Variants in SLC6A13 observed in about 807,000 individuals in gnomAD.
SLC6A13 encodes the protein solute carrier family 6 member 13.
Under a neutral mutation model 72.9 loss-of-function variants are expected in SLC6A13, and 69 were observed. That is an observed-to-expected ratio of 0.95 (90% CI 0.78 to 1.16). SLC6A13 has a LOEUF of 1.16. Among genes scored for constraint, SLC6A13 ranks in the 50% most tolerant of loss-of-function variants. SLC6A13 has a pLI of 0.00. For synonymous variants in SLC6A13, 303 were observed against 303.0 expected (o/e 1.00, Z 0.00); for missense variants, 735 against 760.5 (o/e 0.97, Z 0.39).
chr12:230,330 C>G (rs1941659061), intron 7 of SLC6A13, among the ~76,000 whole-genome samples: 1 of 152,108 alleles, frequency 6.6e-6, no homozygotes, highest in African/African-American at 2.4e-5. Context: ...GCCTCAAGTC[C>G]AACCCCCAGG....
chr12:251,038 C>T (rs1303081519), intron 2 of SLC6A13, among the ~76,000 whole-genome samples: 1 of 151,812 alleles, frequency 6.6e-6, no homozygotes, highest in Non-Finnish European at 1.5e-5. Flanking sequence ...CACCTGTAGT[C>T]CCAGCTACTC....
chr12:222,629 G>C lies in SLC6A13; in HGVS notation c.1418C>G (p.Ala473Gly), dbSNP rs1347444489. ...TTCGATGTTGTCGTAGAAGCGCTTG[G>C]CTCCTACCATGGAGAAAAGAAGAAG... is the stretch of plus-strand genomic sequence containing the variant. ...ESLCVAWVYG[A>G]KRFYDNIEDM... The change falls in exon 13 of 15, where the codon GCC (alanine) becomes GGC (glycine). Residue 473 changes from alanine to glycine, a missense_variant. Physicochemically the swap from Ala to Gly is moderately conservative, Grantham distance 60. Coordinates refer to ENST00000343164, the MANE Select transcript of SLC6A13 (RefSeq NM_016615.5). The C allele has an allele frequency of 6.3e-7, 1 of 1,599,416 alleles. No homozygotes were observed. Among genetic ancestry groups the C allele is most frequent in the Non-Finnish European group, 8.5e-7 (1 of 1,169,980 alleles).
chr12:254,766 T>G lies in SLC6A13; in HGVS notation c.202+5085A>C, dbSNP rs1406089721. Among the ~76,000 whole-genome samples the G allele has an allele frequency of 6.6e-6, 1 of 152,216 alleles. No homozygotes were observed. Among genetic ancestry groups the G allele is most frequent in the East Asian group, 1.9e-4 (1 of 5,200 alleles). On this transcript the variant is annotated intron_variant, in intron 2 of 14. Coordinates refer to ENST00000343164, the MANE Select transcript of SLC6A13 (RefSeq NM_016615.5). This position sits in a 1 kb window ranked among gnomAD's most constrained non-coding sequence, Gnocchi z 4.4. ...CACAAACCCCAAACTCACATTCTAT[T>G]GCCCAGTTGCCATTTCCACATGGAC...
chr12:232,669 A>G (rs1028999339), intron 7 of SLC6A13, among the ~76,000 whole-genome samples: 1 of 152,230 alleles, frequency 6.6e-6, no homozygotes, highest in Admixed American at 6.5e-5. Context: ...GACATGAGGC[A>G]GTAGCAATCT....
chr12:233,465 C>T (rs1036341850), intron 7 of SLC6A13, among the ~76,000 whole-genome samples: 7 of 152,148 alleles, frequency 4.6e-5, no homozygotes, highest in African/African-American at 7.2e-5. Context: ...GTGCAGACCA[C>T]GAAGGAAGGG....
At chr12:225,184 G>T (rs908944512) in intron 9 of SLC6A13, among the ~76,000 whole-genome samples, 3 of 152,248 alleles carry the variant, frequency 2.0e-5, no homozygotes, top group African/African-American at 7.2e-5. Flanking sequence ...CCCATGGGAA[G>T]TTCCTCTGAA....
chr12:221,369 G>C lies in SLC6A13; in HGVS notation c.1686+7C>G. The C allele has an allele frequency of 6.3e-7, 1 of 1,583,386 alleles. No individual in the cohort carries two copies. On this transcript the variant is annotated splice_region_variant and intron_variant, in intron 14 of 14. Transcript: ENST00000343164. ...TCTGGCTGCTTTCCTGCCCGCAAAG[G>C]CCCTACCTCTCTGAAGGGGCCCTTG... is the stretch of plus-strand genomic sequence containing the variant.
At chr12:230,181 G>A (rs1298745438) in intron 7 of SLC6A13, among the ~76,000 whole-genome samples, 1 of 152,086 alleles carries the variant, frequency 6.6e-6, no homozygotes, top group Non-Finnish European at 1.5e-5. Flanking sequence ...ATAAAGCTCT[G>A]ATTTGTCTCT....
chr12:247,017 AAAAAAGAAAG>A (rs1942376952), intron 2 of SLC6A13, among the ~76,000 whole-genome samples: 1 of 73,944 alleles, frequency 1.4e-5, no homozygotes. Context: ...CAAAAAAAAA[AAAAAAGAAAG>A]AAAGAAAAGA....
intron 2 of SLC6A13, among the ~76,000 whole-genome samples, chr12:256,843 C>T (rs939301008): frequency 5.9e-5 from 9 of 152,104 alleles, no homozygotes; most frequent in South Asian, 2.1e-4. Flanking sequence ...GCAGGCCAGT[C>T]GGGTACGTTA....
Position 259,924 on chromosome 12 carries a change from C to A in SLC6A13, c.129G>T (p.Leu43=), listed in dbSNP as rs763289332. Residue 43 remains leucine (L), a synonymous_variant, in exon 2 of 15, where the codon CTG becomes CTT. Coordinates refer to ENST00000343164, the MANE Select transcript of SLC6A13 (RefSeq NM_016615.5). ...GHWNNKMEFV[L]SVAGEIIGLG... The stretch of plus-strand genomic sequence containing the variant: ...AGCCAATGATCTCCCCAGCCACTGA[C>A]AGCACAAACTCCATCTTGTTGTTCC... 12 of 1,614,230 alleles carry A rather than the reference C, an allele frequency of 7.4e-6. No homozygotes were observed. The African/African-American group carries it at 8.0e-5, about 11-fold the overall frequency.
At chr12:228,452 A>G (rs556429927) in intron 7 of SLC6A13, among the ~76,000 whole-genome samples, 1 of 152,196 alleles carries the variant, frequency 6.6e-6, no homozygotes, top group East Asian at 1.9e-4. Context: ...CCCGCTATGG[A>G]CGCAGACATC....
chr12:238,233 T>C, intron 4 of SLC6A13: 1 of 1,513,372 alleles, frequency 6.6e-7, no homozygotes, highest in Non-Finnish European at 8.8e-7. Context: ...GATGCTTGGG[T>C]ATACATTCTC....
At chr12:236,409 A>G (rs1003452401) in intron 6 of SLC6A13, among the ~76,000 whole-genome samples, 2 of 152,192 alleles carry the variant, frequency 1.3e-5, no homozygotes, top group African/African-American at 4.8e-5. Context: ...GCCAGCCGAC[A>G]CTTATGGAAA....
intron 2 of SLC6A13, chr12:259,508 C>T: frequency 7.5e-7 from 1 of 1,335,696 alleles, no homozygotes; most frequent in Non-Finnish European, 9.6e-7. Flanking sequence ...ATTATTATCT[C>T]AATTTGCAGG....
chr12:238,277 C>T, intron 4 of SLC6A13: 8 of 1,449,858 alleles, frequency 5.5e-6, no homozygotes, highest in Non-Finnish European at 7.3e-6. Flanking sequence ...AGGAAAGGTG[C>T]TCTTCAGGTC....
chr12:258,666 AG>A (rs1342279738), intron 2 of SLC6A13, among the ~76,000 whole-genome samples: 1 of 152,208 alleles, frequency 6.6e-6, no homozygotes, highest in African/African-American at 2.4e-5. Context: ...AAATCCCTCT[AG>A]CTAGGGCTTC....
At chr12:239,991 A>T (rs1023976089) in intron 4 of SLC6A13, among the ~76,000 whole-genome samples, 1 of 152,192 alleles carries the variant, frequency 6.6e-6, no homozygotes, top group African/African-American at 2.4e-5. Context: ...ACCCCCAGGC[A>T]ATCCAAAGGA....
chr12:239,017 C>T (rs1942047039), intron 4 of SLC6A13, among the ~76,000 whole-genome samples: 2 of 151,734 alleles, frequency 1.3e-5, no homozygotes, highest in African/African-American at 2.4e-5. Context: ...CCTTTAGTTG[C>T]CTTCAAGGCC....
Sources: gnomAD v4.1 joint callset for allele counts (sites outside exome capture counted in the v4.1 genomes callset) on GRCh38, gnomAD v4.1.1 for gene constraint, Gnocchi (gnomAD v3.1) non-coding constraint, MANE v1.5 for transcripts, NCBI Gene and HGNC (gene_info 2026-07-23, HGNC 2026-07-21) for gene names.